RPS6KA2: variants seen among roughly 807,000 people sequenced by gnomAD.
The protein encoded by RPS6KA2 is ribosomal protein S6 kinase alpha-2.
Under a neutral mutation model 91.8 loss-of-function variants are expected in RPS6KA2, and 42 were observed. The observed-to-expected ratio is 0.46, with a 90% CI of 0.36 to 0.59. The LOEUF is 0.59. Ranked by LOEUF, RPS6KA2 falls within the 20% of genes least tolerant of loss-of-function variation. The pLI is 0.00. For missense variants in RPS6KA2, 798 were observed against 978.5 expected, an observed-to-expected ratio of 0.82 and a Z score of 2.46; for synonymous variants, 414 against 393.6, an observed-to-expected ratio of 1.05 and a Z score of -0.61.
chr6:166,844,013 A>T (rs1206851705), intron 2 of RPS6KA2, among the ~76,000 whole-genome samples: 2 of 141,858 alleles, frequency 1.4e-5, no homozygotes, highest in Non-Finnish European at 3.0e-5. Context: ...TTAAAGAAAT[A>T]AAAAAAAACA....
intron 2 of RPS6KA2, among the ~76,000 whole-genome samples, chr6:166,686,318 C>T (rs1185876812): frequency 6.6e-6 from 1 of 152,142 alleles, no homozygotes; most frequent in Non-Finnish European, 1.5e-5. Context: ...TACTGTGGGA[C>T]CCTCTGGCCC....
At chr6:166,813,190 G>C (rs1446923901) in intron 2 of RPS6KA2, among the ~76,000 whole-genome samples, 4 of 152,000 alleles carry the variant, frequency 2.6e-5, no homozygotes, top group Non-Finnish European at 4.4e-5. Context: ...AGGTCCACAG[G>C]CCTGCATTTA....
chr6:166,832,377 A>T (rs974823124), intron 2 of RPS6KA2, among the ~76,000 whole-genome samples: 15 of 152,202 alleles, frequency 9.9e-5, no homozygotes, highest in African/African-American at 3.6e-4. Context: ...GCAGAGGCTG[A>T]GCTGGATTTT....
At chr6:166,429,220 C>G (rs903129473) in intron 16 of RPS6KA2, among the ~76,000 whole-genome samples, 3 of 138,568 alleles carry the variant, frequency 2.2e-5, no homozygotes, top group South Asian at 2.2e-4. Context: ...CTCACTCATA[C>G]GTGGGAATTG....
At chr6:166,815,822 C>T (rs1358814200) in intron 2 of RPS6KA2, among the ~76,000 whole-genome samples, 2 of 152,156 alleles carry the variant, frequency 1.3e-5, no homozygotes, top group Non-Finnish European at 2.9e-5. Context: ...TTCAGTACCG[C>T]GGACAGAGGT....
chr6:166,551,756 C>A (rs568431120), intron 1 of RPS6KA2, among the ~76,000 whole-genome samples: 1 of 152,310 alleles, frequency 6.6e-6, no homozygotes, highest in Non-Finnish European at 1.5e-5. Context: ...GGCACCTGAT[C>A]ACCCTCCATC....
intron 1 of RPS6KA2, among the ~76,000 whole-genome samples, chr6:166,570,169 AG>A (rs1199698021): frequency 6.6e-6 from 1 of 152,202 alleles, no homozygotes; most frequent in Non-Finnish European, 1.5e-5. Flanking sequence ...AGCAACCCCA[AG>A]GGTGTAACAG....
chr6:166,681,631 C>G (rs1274728155), intron 2 of RPS6KA2, among the ~76,000 whole-genome samples: 1 of 150,968 alleles, frequency 6.6e-6, no homozygotes. Context: ...TGTCCCAGTT[C>G]CTTCCTTTTG....
At chr6:166,707,374 C>T (rs545861585) in intron 2 of RPS6KA2, among the ~76,000 whole-genome samples, 1 of 152,316 alleles carries the variant, frequency 6.6e-6, no homozygotes, top group South Asian at 2.1e-4. Context: ...GGTCGGTTTC[C>T]AAAGTGCAGC....
chr6:166,646,082 T>A (rs1787592384), intron 2 of RPS6KA2, among the ~76,000 whole-genome samples: 1 of 152,150 alleles, frequency 6.6e-6, no homozygotes, highest in African/African-American at 2.4e-5. Context: ...GTTAGGGAAT[T>A]TAGCTGTAGG....
intron 2 of RPS6KA2, among the ~76,000 whole-genome samples, chr6:166,536,187 G>A (rs1355014968): frequency 1.3e-5 from 2 of 152,156 alleles, no homozygotes; most frequent in African/African-American, 2.4e-5. Context: ...TGAAGGACTC[G>A]GCTCCCAGGC....
At chr6:166,743,343 C>T (rs1239274292) in intron 2 of RPS6KA2, among the ~76,000 whole-genome samples, 1 of 152,224 alleles carries the variant, frequency 6.6e-6, no homozygotes, top group East Asian at 1.9e-4. Context: ...GGCTGGAGAA[C>T]ACTGCCCTCG....
intron 2 of RPS6KA2, among the ~76,000 whole-genome samples, chr6:166,707,064 A>T (rs1789699568): frequency 6.6e-6 from 1 of 152,256 alleles, no homozygotes; most frequent in African/African-American, 2.4e-5. Context: ...GTGTGCAGGA[A>T]GAAGAAAAGT....
chr6:166,514,070 G>A (rs941635912), intron 3 of RPS6KA2, among the ~76,000 whole-genome samples: 1 of 152,134 alleles, frequency 6.6e-6, no homozygotes, highest in South Asian at 2.1e-4. Context: ...CCATAGGATC[G>A]CGGATTGTGG....
At chr6:166,518,327 C>CT (rs1352998758) in intron 3 of RPS6KA2, among the ~76,000 whole-genome samples, 9 of 144,134 alleles carry the variant, frequency 6.2e-5, no homozygotes, top group Non-Finnish European at 1.2e-4. Flanking sequence ...GAAGGGGAAT[C>CT]TTTTTTGTTT....
Position 166,552,376 on chromosome 6 carries a change from C to G in RPS6KA2, c.100-13592G>C, listed in dbSNP as rs191450446. ...CAGGAGGCCCTGCTCAAATGCCAGG[C>G]TGCAGAATCACCCAGTGGCATGGCC... On this transcript the variant is annotated intron_variant, in intron 1 of 20. Coordinates refer to ENST00000265678, the MANE Select transcript of RPS6KA2 (RefSeq NM_021135.6). Among the ~76,000 whole-genome samples the G allele has an allele frequency of 8.7e-4, 133 of 152,350 alleles. 1 individual carries two copies. Among genetic ancestry groups the G allele is most frequent in the African/African-American group, 3.1e-3 (130 of 41,578 alleles).
chr6:166,470,958 C>T (rs986884902), intron 10 of RPS6KA2, among the ~76,000 whole-genome samples: 2 of 152,174 alleles, frequency 1.3e-5, no homozygotes, highest in South Asian at 2.1e-4. Context: ...CGAGAAGAGG[C>T]GGGCTTGGCT....
chr6:166,610,131 C>T (rs147425871), intron 1 of RPS6KA2, among the ~76,000 whole-genome samples: 20 of 152,238 alleles, frequency 1.3e-4, no homozygotes, highest in South Asian at 1.0e-3. Context: ...TGGTAAACAG[C>T]GTGAGGGAAA....
At position 166,432,336 on chromosome 6, in the gene RPS6KA2, G is replaced by A; in HGVS notation, c.1422+65C>T. Reference sequence around the variant, plus strand: ...GTGAGAAAGCTTGCTCTGAGTGAATGGGAGTTTTGTGTCAGTTGAAGAAAC... The same window carrying A: ...GTGAGAAAGCTTGCTCTGAGTGAATAGGAGTTTTGTGTCAGTTGAAGAAAC... On this transcript the variant is annotated intron_variant, in intron 15 of 20. Transcript: ENST00000265678. 3 of 1,052,306 alleles carry A rather than the reference G, an allele frequency of 2.9e-6. No individual in the cohort carries two copies. The South Asian group carries it at 4.2e-5, about 15-fold the overall frequency. The allele number at this position is 1,052,306 out of a possible 1,614,324, so 65.2% of individuals were successfully genotyped here. A position where few individuals can be genotyped will look rare whatever the true frequency, so the allele number is the denominator to read the frequency against.
Sources: gnomAD v4.1 joint callset for allele counts (sites outside exome capture counted in the v4.1 genomes callset) on GRCh38, gnomAD v4.1.1 for gene constraint, MANE v1.5 for transcripts, NCBI Gene and HGNC (gene_info 2026-07-23, HGNC 2026-07-21) for gene names.